KCNQ1OT1: variants seen among roughly 807,000 people sequenced by gnomAD.
KCNQ1OT1 encodes the protein KCNQ1 antisense RNA 2 (non-protein coding).
chr11:2,672,373 A>C, exon 1 of KCNQ1OT1: 1 of 398,450 alleles, frequency 2.5e-6, no homozygotes, highest in Non-Finnish European at 4.4e-6. Flanking sequence ...TCACAGGCTG[A>C]TATGATTGAG....
At chr11:2,640,826 C>A (rs567478925) in exon 1 of KCNQ1OT1, 3 of 399,036 alleles carry the variant, frequency 7.5e-6, no homozygotes, top group South Asian at 1.3e-4. Context: ...TCTCTTCACC[C>A]TCCAGACATA....
Position 2,690,611 on chromosome 11 carries a change from G to A in KCNQ1OT1, n.9384C>T, listed in dbSNP as rs1850572511. ...CTGGCAGGGAGTGGGGCACACATATGTGCATGTTCATATATGTGTCAGAAT... is the reference window on the plus strand; with the variant it reads ...CTGGCAGGGAGTGGGGCACACATATATGCATGTTCATATATGTGTCAGAAT... On this transcript the variant is annotated non_coding_transcript_exon_variant, in exon 1 of 1. Coordinates refer to ENST00000597346, the Ensembl canonical transcript of KCNQ1OT1. This position sits in a 1 kb window ranked among gnomAD's most constrained non-coding sequence, Gnocchi z 5.1. 5.0e-6 allele frequency: 2 copies of A among 398,684 alleles called. No individual in the cohort carries two copies. Among genetic ancestry groups the A allele is most frequent in the Non-Finnish European group, 8.8e-6 (2 of 226,092 alleles). The allele number at this position is 398,684 out of a possible 1,614,324, so 24.7% of individuals were successfully genotyped here. A position where few individuals can be genotyped will look rare whatever the true frequency, so the allele number is the denominator to read the frequency against.
At chr11:2,633,947 G>A (rs145710885) in exon 1 of KCNQ1OT1, 31 of 398,546 alleles carry the variant, frequency 7.8e-5, no homozygotes, top group East Asian at 1.8e-4. Flanking sequence ...GAAAATCCAC[G>A]TATAAATGAA....
chr11:2,634,293 A>G (rs1298981928), exon 1 of KCNQ1OT1: 3 of 323,008 alleles, frequency 9.3e-6, no homozygotes, highest in Non-Finnish European at 1.1e-5. Context: ...TACCTTAGGT[A>G]TATCTCCTAA....
At position 2,613,692 on chromosome 11, in the gene KCNQ1OT1, A is replaced by G. The variant is rs1272017285; in HGVS notation, n.86303T>C. Reference sequence around the variant, plus strand: ...CTCAGAAGTGGTCCCTATCTTGTTAATTTTATTTTTTGAATACATATAACA... The same window carrying G: ...CTCAGAAGTGGTCCCTATCTTGTTAGTTTTATTTTTTGAATACATATAACA... On this transcript the variant is annotated non_coding_transcript_exon_variant, in exon 1 of 1. Transcript: ENST00000597346. This position sits in a 1 kb window ranked among gnomAD's most constrained non-coding sequence, Gnocchi z 4.8. 4 of 398,344 alleles carry G rather than the reference A, an allele frequency of 1.0e-5. No homozygotes were observed. Among genetic ancestry groups the G allele is most frequent in the Middle Eastern group, 6.2e-4 (1 of 1,610 alleles). The allele number at this position is 398,344 out of a possible 1,614,324, so 24.7% of individuals were successfully genotyped here.
rs902061567 is a variant in KCNQ1OT1 at position 2,691,722 on chromosome 11, C to T, written n.8273G>A. 11 of 398,484 alleles carry T rather than the reference C, an allele frequency of 2.8e-5. No individual in the cohort carries two copies. The highest frequency in any genetic ancestry group is 6.2e-4 in the Middle Eastern group (1 of 1,614). The allele number at this position is 398,484 out of a possible 1,614,324, so 24.7% of individuals were successfully genotyped here. ...ATCTGTCCAGGGGAGAGGCAGCCCA[C>T]AGGGAGCCACACAGGCAGGGGACAT... On this transcript the variant is annotated non_coding_transcript_exon_variant, in exon 1 of 1. Transcript: ENST00000597346. This position sits in a 1 kb window ranked among gnomAD's most constrained non-coding sequence, Gnocchi z 6.4.
rs1849270593 is a variant in KCNQ1OT1, at chr11:2,626,886, G to T, written n.73109C>A. Reference sequence around the variant, plus strand: ...CTCCAATGTTGTTCATCATTTTCAAGAATGTTTTAGCTATTCAAGGTCCCT... The same window carrying T: ...CTCCAATGTTGTTCATCATTTTCAATAATGTTTTAGCTATTCAAGGTCCCT... On this transcript the variant is annotated non_coding_transcript_exon_variant, in exon 1 of 1. Coordinates refer to ENST00000597346, the Ensembl canonical transcript of KCNQ1OT1. This position sits in a 1 kb window ranked among gnomAD's most constrained non-coding sequence, Gnocchi z 4.0. 2.5e-6 allele frequency: 1 copy of T among 398,416 alleles called. No homozygotes were observed. The highest frequency in any genetic ancestry group is 4.4e-6 in the Non-Finnish European group (1 of 226,048). The allele number at this position is 398,416 out of a possible 1,614,324, so 24.7% of individuals were successfully genotyped here. A position where few individuals can be genotyped will look rare whatever the true frequency, so the allele number is the denominator to read the frequency against.
rs947621004 is a variant in KCNQ1OT1, at chr11:2,647,046, G to C, written n.52949C>G. 2.5e-6 allele frequency: 1 copy of C among 398,556 alleles called. No homozygotes were observed. Among genetic ancestry groups the C allele is most frequent in the Non-Finnish European group, 4.4e-6 (1 of 226,052 alleles). The allele number at this position is 398,556 out of a possible 1,614,324, so 24.7% of individuals were successfully genotyped here. A position where few individuals can be genotyped will look rare whatever the true frequency, so the allele number is the denominator to read the frequency against. On this transcript the variant is annotated non_coding_transcript_exon_variant, in exon 1 of 1. Transcript: ENST00000597346. The surrounding 1 kb of genome is among the most constrained non-coding windows in gnomAD (Gnocchi z 4.0). The stretch of plus-strand genomic sequence containing the variant: ...TGCTGAATAAGAATAGTGAAAGTGG[G>C]CATCCTTGTCTTGTTCTAGTTCTAA...
chr11:2,644,235 T>C lies in KCNQ1OT1; in HGVS notation n.55760A>G, dbSNP rs1471167888. ...TTCTGGGACACTGAAGGTGTCACCT[T>C]ATGGCATCCTATAGTCACATAGCCT... On this transcript the variant is annotated non_coding_transcript_exon_variant, in exon 1 of 1. Transcript: ENST00000597346. 28 of 398,382 alleles carry C rather than the reference T, an allele frequency of 7.0e-5. No individual in the cohort carries two copies. In the East Asian group the frequency reaches 1.0e-3, roughly 14 times the overall value. The allele number at this position is 398,382 out of a possible 1,614,324, so 24.7% of individuals were successfully genotyped here.
rs1217804157 is a variant in KCNQ1OT1 at position 2,658,311 on chromosome 11, A to G, written n.41684T>C. The G allele has an allele frequency of 7.5e-6, 3 of 398,374 alleles. No individual in the cohort carries two copies. Among genetic ancestry groups the G allele is most frequent in the East Asian group, 7.1e-5 (2 of 28,092 alleles). The allele number at this position is 398,374 out of a possible 1,614,324, so 24.7% of individuals were successfully genotyped here. A position where few individuals can be genotyped will look rare whatever the true frequency, so the allele number is the denominator to read the frequency against. ...TATTTGGAATTCCTTTATAAGGAAG[A>G]TTTGTCCCTCTCCTCCAATTGTTTA... On this transcript the variant is annotated non_coding_transcript_exon_variant, in exon 1 of 1. Coordinates refer to ENST00000597346, the Ensembl canonical transcript of KCNQ1OT1. This position sits in a 1 kb window ranked among gnomAD's most constrained non-coding sequence, Gnocchi z 4.9.
chr11:2,614,769 A>G lies in KCNQ1OT1; in HGVS notation n.85226T>C, dbSNP rs186146165. On this transcript the variant is annotated non_coding_transcript_exon_variant, in exon 1 of 1. Coordinates refer to ENST00000597346, the Ensembl canonical transcript of KCNQ1OT1. Reference sequence around the variant, plus strand: ...TGTGTCCTAGAGACCACATTGTGTCAGTACCACATTGTTTTGATTACTGCA... The same window carrying G: ...TGTGTCCTAGAGACCACATTGTGTCGGTACCACATTGTTTTGATTACTGCA... 108 of 398,498 alleles carry G rather than the reference A, an allele frequency of 2.7e-4. No homozygotes were observed. In the Admixed American group the frequency reaches 3.3e-3, roughly 12 times the overall value. 24.7% of individuals were successfully genotyped at this position (398,498 alleles called of 1,614,324 possible). A position where few individuals can be genotyped will look rare whatever the true frequency, so the allele number is the denominator to read the frequency against.
At chr11:2,640,585 T>A (rs1849558197) in exon 1 of KCNQ1OT1, 1 of 395,578 alleles carries the variant, frequency 2.5e-6, no homozygotes, top group African/African-American at 2.1e-5. Context: ...TTTTGACCGA[T>A]ACATAATACT....
rs1256123445 is a variant in KCNQ1OT1, at chr11:2,663,084, G to C, written n.36911C>G. ...GGCAGGGTTGGGTAGCCAGAATGAG[G>C]CCACCTCCAGGGAAGGAGTGGCTAT... On this transcript the variant is annotated non_coding_transcript_exon_variant, in exon 1 of 1. Transcript: ENST00000597346. This position sits in a 1 kb window ranked among gnomAD's most constrained non-coding sequence, Gnocchi z 5.2. The C allele has an allele frequency of 7.5e-6, 3 of 398,716 alleles. No homozygotes were observed. In the East Asian group the frequency reaches 1.1e-4, roughly 14 times the overall value. The allele number at this position is 398,716 out of a possible 1,614,324, so 24.7% of individuals were successfully genotyped here. A position where few individuals can be genotyped will look rare whatever the true frequency, so the allele number is the denominator to read the frequency against.
exon 1 of KCNQ1OT1, chr11:2,648,981 C>CTTTTTTTTTTTTTTTTTTTTTTTTCTTTT: frequency 4.7e-6 from 1 of 213,304 alleles, no homozygotes; most frequent in Admixed American, 9.7e-5. Context: ...TTTTCTTTTT[C>CTTTTTTTTTTTTTTTTTTTTTTTTCTTTT]TTTTTTTTTT....
exon 1 of KCNQ1OT1, chr11:2,625,868 C>G: frequency 2.5e-6 from 1 of 398,588 alleles, no homozygotes; most frequent in East Asian, 3.6e-5. Context: ...CGTGCCTGGC[C>G]CTTTTGCCCA....
exon 1 of KCNQ1OT1, chr11:2,615,967 A>G (rs1033739850): frequency 5.0e-6 from 2 of 398,062 alleles, no homozygotes; most frequent in Non-Finnish European, 8.9e-6. Flanking sequence ...GGTATAATTC[A>G]ACAGTGACGC....
chr11:2,653,314 C>A lies in KCNQ1OT1; in HGVS notation n.46681G>T. 2.5e-6 allele frequency: 1 copy of A among 398,718 alleles called. No homozygotes were observed. Among genetic ancestry groups the A allele is most frequent in the Non-Finnish European group, 4.4e-6 (1 of 226,108 alleles). The allele number at this position is 398,718 out of a possible 1,614,324, so 24.7% of individuals were successfully genotyped here. On this transcript the variant is annotated non_coding_transcript_exon_variant, in exon 1 of 1. Coordinates refer to ENST00000597346, the Ensembl canonical transcript of KCNQ1OT1. This position sits in a 1 kb window ranked among gnomAD's most constrained non-coding sequence, Gnocchi z 5.3. ...CAGACCAGTTTAGCTATTTTGTAACCTTGACTGCCCCCAGGCCCATGTCCG... is the reference window on the plus strand; with the variant it reads ...CAGACCAGTTTAGCTATTTTGTAACATTGACTGCCCCCAGGCCCATGTCCG...
At position 2,679,674 on chromosome 11, in the gene KCNQ1OT1, G is replaced by T. The variant is rs755915427; in HGVS notation, n.20321C>A. The T allele has an allele frequency of 5.0e-6, 2 of 398,404 alleles. No homozygotes were observed. The highest frequency in any genetic ancestry group is 8.8e-6 in the Non-Finnish European group (2 of 226,064). The allele number at this position is 398,404 out of a possible 1,614,324, so 24.7% of individuals were successfully genotyped here. A position where few individuals can be genotyped will look rare whatever the true frequency, so the allele number is the denominator to read the frequency against. The stretch of plus-strand genomic sequence containing the variant: ...CTCATAAGATTATTTAGGATGCATA[G>T]GATCCCAGATTAGATTTTTTTTAAA... On this transcript the variant is annotated non_coding_transcript_exon_variant, in exon 1 of 1. Coordinates refer to ENST00000597346, the Ensembl canonical transcript of KCNQ1OT1. The surrounding 1 kb of genome is among the most constrained non-coding windows in gnomAD (Gnocchi z 4.8).
rs900469302 is a variant in KCNQ1OT1 at position 2,676,663 on chromosome 11, G to A, written n.23332C>T. ...CAGATAGATAGTTCATTAAGGTCTTGAGTATTTCCAAGGGAGCACTAACTG... is the reference window on the plus strand; with the variant it reads ...CAGATAGATAGTTCATTAAGGTCTTAAGTATTTCCAAGGGAGCACTAACTG... On this transcript the variant is annotated non_coding_transcript_exon_variant, in exon 1 of 1. Transcript: ENST00000597346. The surrounding 1 kb of genome is among the most constrained non-coding windows in gnomAD (Gnocchi z 4.2). 2.5e-6 allele frequency: 1 copy of A among 398,664 alleles called. No individual in the cohort carries two copies. Among genetic ancestry groups the A allele is most frequent in the Non-Finnish European group, 4.4e-6 (1 of 226,072 alleles). 24.7% of individuals were successfully genotyped at this position (398,664 alleles called of 1,614,324 possible). A position where few individuals can be genotyped will look rare whatever the true frequency, so the allele number is the denominator to read the frequency against.
Sources: gnomAD v4.1 joint callset for allele counts on GRCh38, gnomAD v4.1.1 for gene constraint, Gnocchi (gnomAD v3.1) non-coding constraint, MANE v1.5 for transcripts, NCBI Gene and HGNC (gene_info 2026-07-23, HGNC 2026-07-21) for gene names.